The following TMEM132C variants were observed in gnomAD, a reference collection of about 807,000 sequenced individuals.
TMEM132C encodes the protein transmembrane protein 132C, also known as protein phosphatase 1, regulatory subunit 152.
TMEM132C carries 29 observed loss-of-function variants against 61.4 expected under a neutral mutation model. The ratio of observed to expected loss-of-function variants is 0.47; its 90% confidence interval spans 0.35 to 0.64. TMEM132C has a LOEUF of 0.64. Ranked by LOEUF, TMEM132C falls within the 30% of genes least tolerant of loss-of-function variation. TMEM132C has a pLI of 0.00. For missense variants in TMEM132C, 1,408 were observed against 1,476.9 expected, an observed-to-expected ratio of 0.95 and a Z score of 0.76; for synonymous variants, 656 against 633.1, an observed-to-expected ratio of 1.04 and a Z score of -0.54.
intron 4 of TMEM132C, among the ~76,000 whole-genome samples, chr12:128,631,319 G>A (rs1375299375): frequency 6.6e-6 from 1 of 152,110 alleles, no homozygotes; most frequent in Non-Finnish European, 1.5e-5. Context: ...CATGACTAGT[G>A]GCCACTTTAC....
chr12:128,267,371 G>A lies in TMEM132C; in HGVS notation c.-32G>A, dbSNP rs1870341147. ...CGGGCGGGCGCTGCGCTTCGGGCTG[G>A]CGGCGGGCTGCGTGAGCGGCCGGGA... On this transcript the variant is annotated 5_prime_UTR_variant, in exon 1 of 9. The change creates a premature stop within an existing upstream ORF in the 5' untranslated region. Coordinates refer to ENST00000435159, the MANE Select transcript of TMEM132C (RefSeq NM_001136103.3). 1.1e-5 allele frequency: 12 copies of A among 1,058,480 alleles called. No homozygotes were observed. The highest frequency in any genetic ancestry group is 1.4e-5 in the Non-Finnish European group (12 of 878,322). The allele number at this position is 1,058,480 out of a possible 1,614,324, so 65.6% of individuals were successfully genotyped here.
At chr12:128,704,442 T>C (rs1873159) in intron 8 of TMEM132C, among the ~76,000 whole-genome samples, 152,295 of 152,304 alleles carry the variant, frequency 1, 76,143 homozygotes, top group Middle Eastern at 1. Context: ...CCATGTACTG[T>C]GTCCCACACA....
chr12:128,335,230 TA>T (rs770613483), intron 1 of TMEM132C, among the ~76,000 whole-genome samples: 2 of 152,236 alleles, frequency 1.3e-5, no homozygotes, highest in African/African-American at 4.8e-5. Context: ...AATATTGCGA[TA>T]GGGGATAGAT....
chr12:128,305,105 G>A (rs573566937), intron 1 of TMEM132C, among the ~76,000 whole-genome samples: 38 of 152,176 alleles, frequency 2.5e-4, no homozygotes, highest in East Asian at 1.2e-3. Context: ...TAGGCTGGGC[G>A]TGGTGGCTCA....
intron 1 of TMEM132C, among the ~76,000 whole-genome samples, chr12:128,296,695 C>G (rs943791207): frequency 6.6e-6 from 1 of 152,060 alleles, no homozygotes; most frequent in Non-Finnish European, 1.5e-5. Context: ...AGTTGTCCTC[C>G]GTCAGGTTCA....
At chr12:128,342,231 A>G (rs145431171) in intron 1 of TMEM132C, among the ~76,000 whole-genome samples, 2 of 151,530 alleles carry the variant, frequency 1.3e-5, no homozygotes, top group East Asian at 3.9e-4. Context: ...GTGGTCTCGA[A>G]CTCCTGACCT....
intron 4 of TMEM132C, among the ~76,000 whole-genome samples, chr12:128,621,683 C>T (rs963053349): frequency 4.6e-5 from 7 of 152,304 alleles, no homozygotes; most frequent in East Asian, 3.9e-4. Context: ...CTCATCTGCC[C>T]GGCCTGATGT....
chr12:128,441,463 A>G lies in TMEM132C; in HGVS notation c.974+25843A>G, dbSNP rs189958274. ...CTGCTAAAAGCATAGCTGCTTCCAA[A>G]TCTGCAGCTTTGGCTGAAATAGCAT... is the stretch of plus-strand genomic sequence containing the variant. On this transcript the variant is annotated intron_variant, in intron 2 of 8. Transcript: ENST00000435159. Among the ~76,000 whole-genome samples the G allele has an allele frequency of 3.0e-3, 459 of 152,284 alleles. 4 individuals carry two copies. The highest frequency in any genetic ancestry group is 7.6e-3 in the African/African-American group (315 of 41,558).
intron 1 of TMEM132C, among the ~76,000 whole-genome samples, chr12:128,367,123 A>T (rs1369241445): frequency 6.6e-6 from 1 of 152,168 alleles, no homozygotes; most frequent in Non-Finnish European, 1.5e-5. Flanking sequence ...GGTAGGTGAA[A>T]ATGAAGCCCT....
intron 2 of TMEM132C, among the ~76,000 whole-genome samples, chr12:128,480,605 A>C (rs1450900077): frequency 6.6e-6 from 1 of 152,156 alleles, no homozygotes; most frequent in Non-Finnish European, 1.5e-5. Context: ...TTGTGGCTGA[A>C]GGGAAAGAAC....
At chr12:128,372,626 T>C (rs770201786) in intron 1 of TMEM132C, among the ~76,000 whole-genome samples, 6 of 152,146 alleles carry the variant, frequency 3.9e-5, no homozygotes, top group African/African-American at 9.7e-5. Context: ...AGAAGACTTA[T>C]CAAGATGCTG....
intron 4 of TMEM132C, among the ~76,000 whole-genome samples, chr12:128,651,745 A>G (rs1954272790): frequency 6.6e-6 from 1 of 152,146 alleles, no homozygotes; most frequent in Non-Finnish European, 1.5e-5. Flanking sequence ...GGGTGGAGCC[A>G]TGTGGATATC....
intron 1 of TMEM132C, among the ~76,000 whole-genome samples, chr12:128,345,565 G>A (rs1317329862): frequency 2.6e-5 from 4 of 151,974 alleles, no homozygotes; most frequent in South Asian, 2.1e-4. Context: ...CCACAGTCTC[G>A]CCTCCGTCTG....
intron 1 of TMEM132C, among the ~76,000 whole-genome samples, chr12:128,373,220 T>G (rs971655882): frequency 6.6e-6 from 1 of 152,110 alleles, no homozygotes; most frequent in Non-Finnish European, 1.5e-5. Flanking sequence ...CAAAAAATCA[T>G]TTCTACCTCT....
chr12:128,626,814 T>A (rs1954021832), intron 4 of TMEM132C, among the ~76,000 whole-genome samples: 1 of 152,146 alleles, frequency 6.6e-6, no homozygotes, highest in African/African-American at 2.4e-5. Flanking sequence ...CTTTAAAAAC[T>A]TTATTCTGAG....
chr12:128,636,969 C>A (rs145293563), intron 4 of TMEM132C, among the ~76,000 whole-genome samples: 1 of 152,106 alleles, frequency 6.6e-6, no homozygotes, highest in African/African-American at 2.4e-5. Context: ...TAATATTCTA[C>A]TGTGTGTATC....
At chr12:128,637,446 CT>C (rs1449338237) in intron 4 of TMEM132C, among the ~76,000 whole-genome samples, 16 of 152,360 alleles carry the variant, frequency 1.1e-4, no homozygotes, top group Non-Finnish European at 2.1e-4. Flanking sequence ...ATCTGATCTC[CT>C]TCCCCCTCCC....
At position 128,589,382 on chromosome 12, in the gene TMEM132C, TC is replaced by T. The variant is rs993531931; in HGVS notation, c.1122-26767del. 1.2e-3 allele frequency among the ~76,000 whole-genome samples: 187 copies of T among 151,102 alleles called. 1 individual carries two copies. Among genetic ancestry groups the T allele is most frequent in the African/African-American group, 4.2e-3 (173 of 41,102 alleles). On this transcript the variant is annotated intron_variant, in intron 3 of 8. Transcript: ENST00000435159. ...AGACCTCCCTCCATGCTCACCTGGC[TC>T]CCACCGTCCCTCTCACCCCGCCTGC...
chr12:128,535,563 G>A (rs924765569), intron 2 of TMEM132C, among the ~76,000 whole-genome samples: 1 of 152,138 alleles, frequency 6.6e-6, no homozygotes, highest in Non-Finnish European at 1.5e-5. Flanking sequence ...AGTTAGAATG[G>A]CAATCATTAA....
Sources: gnomAD v4.1 joint callset for allele counts (sites outside exome capture counted in the v4.1 genomes callset) on GRCh38, gnomAD v4.1.1 for gene constraint, MANE v1.5 for transcripts, NCBI Gene and HGNC (gene_info 2026-07-23, HGNC 2026-07-21) for gene names.